Variants in PPFIA2 observed in about 807,000 individuals in gnomAD.
PPFIA2 encodes the protein PPFI scaffold protein A2.
A neutral mutation model predicts 175.5 loss-of-function variants in PPFIA2; 46 were observed. The observed-to-expected ratio is 0.26, with a 90% confidence interval of 0.21 to 0.34. The LOEUF (loss-of-function observed/expected upper bound fraction) is 0.34, where lower values mean the gene tolerates loss of function less well. Among genes scored for constraint, PPFIA2 ranks in the 10% least tolerant of loss-of-function variants. PPFIA2 has a pLI of 1.00. For missense variants in PPFIA2, 1,179 were observed against 1,506.1 expected (o/e 0.78, Z 3.60); for synonymous variants, 568 against 511.4 (o/e 1.11, Z -1.49).
At chr12:81,418,713 A>G (rs980106041) in intron 7 of PPFIA2, among the ~76,000 whole-genome samples, 2 of 151,956 alleles carry the variant, frequency 1.3e-5, no homozygotes, top group African/African-American at 4.8e-5. Context: ...AAGGAAAAAA[A>G]AACTGTTCAA....
At position 81,635,920 on chromosome 12, in the gene PPFIA2, TCA is replaced by T. The variant is rs3220848; in HGVS notation, c.303+40869_303+40870del. ...TTTGGGAAAATGCAATCTCTCTCTC[TCA>T]CACACACACACACACACACACACGT... On this transcript the variant is annotated intron_variant, in intron 4 of 32. Coordinates refer to ENST00000549396, the MANE Select transcript of PPFIA2 (RefSeq NM_003625.5). Among the ~76,000 whole-genome samples the T allele has an allele frequency of 7.1e-3, 1,067 of 150,484 alleles. 3 individuals are homozygous for T. The highest frequency in any genetic ancestry group is 0.015 in the African/African-American group (616 of 40,980).
rs148203487 is a variant in PPFIA2 at position 81,610,510 on chromosome 12, T to C, written c.303+66281A>G. On this transcript the variant is annotated intron_variant, in intron 4 of 32. Transcript: ENST00000549396. ...CTCTGAGATTCTTTCCTCAGCTTGG[T>C]CTGTTCTGCTGTTAATACTTCAAAT... Among the ~76,000 whole-genome samples, 238 of 152,312 alleles carry C rather than the reference T, an allele frequency of 1.6e-3. 2 individuals carry two copies. Among genetic ancestry groups the C allele is most frequent in the African/African-American group, 4.9e-3 (203 of 41,576 alleles).
intron 3 of PPFIA2, among the ~76,000 whole-genome samples, chr12:81,706,934 T>G (rs1009926563): frequency 3.9e-5 from 6 of 152,132 alleles, no homozygotes; most frequent in African/African-American, 1.4e-4. Flanking sequence ...GATTCCCTAT[T>G]TAATAAATGG....
chr12:81,438,865 T>C (rs982908245), intron 7 of PPFIA2, among the ~76,000 whole-genome samples: 2 of 152,138 alleles, frequency 1.3e-5, no homozygotes, highest in South Asian at 2.1e-4. Context: ...TAGATTAATG[T>C]TAACTATAAT....
chr12:81,514,104 C>T (rs2062116945), intron 4 of PPFIA2, among the ~76,000 whole-genome samples: 1 of 151,906 alleles, frequency 6.6e-6, no homozygotes, highest in African/African-American at 2.4e-5. Context: ...ATCTCTGCCT[C>T]ACTAGAACTT....
At chr12:81,598,621 A>AT (rs562586673) in intron 4 of PPFIA2, among the ~76,000 whole-genome samples, 1,667 of 147,324 alleles carry the variant, frequency 0.011, 33 homozygotes, top group African/African-American at 0.034. Context: ...ACAAGATGTG[A>AT]TTTTTTTTTT....
intron 4 of PPFIA2, among the ~76,000 whole-genome samples, chr12:81,622,626 A>T (rs575672159): frequency 7.0e-4 from 106 of 152,248 alleles, no homozygotes; most frequent in Non-Finnish European, 1.2e-3. Context: ...GCTTATGAAC[A>T]TAGCTTTAAA....
chr12:81,665,684 C>T (rs1219593317), intron 4 of PPFIA2, among the ~76,000 whole-genome samples: 2 of 151,984 alleles, frequency 1.3e-5, no homozygotes, highest in East Asian at 3.9e-4. Flanking sequence ...TGTAAAAGAT[C>T]CTGTTTTCAT....
At chr12:81,640,697 T>C (rs1339997034) in intron 4 of PPFIA2, among the ~76,000 whole-genome samples, 1 of 152,130 alleles carries the variant, frequency 6.6e-6, no homozygotes, top group East Asian at 1.9e-4. Context: ...AGATGTGCTT[T>C]TGTTATAACC....
At chr12:81,379,346 C>A (rs2037127113) in intron 9 of PPFIA2, among the ~76,000 whole-genome samples, 1 of 151,988 alleles carries the variant, frequency 6.6e-6, no homozygotes, top group African/African-American at 2.4e-5. Flanking sequence ...AAATATAACT[C>A]TCTGGTAATT....
At chr12:81,406,385 C>A (rs1371170995) in intron 7 of PPFIA2, among the ~76,000 whole-genome samples, 1 of 151,966 alleles carries the variant, frequency 6.6e-6, no homozygotes, top group East Asian at 1.9e-4. Flanking sequence ...TAAGCAGACA[C>A]ACAGCTGAAC....
intron 4 of PPFIA2, among the ~76,000 whole-genome samples, chr12:81,475,782 G>A (rs1444150316): frequency 1.3e-5 from 2 of 152,226 alleles, no homozygotes; most frequent in Non-Finnish European, 2.9e-5. Flanking sequence ...GCGCGATCTC[G>A]GCTCACTGCA....
At chr12:81,344,742 A>G in intron 18 of PPFIA2, 49 bp from the exon 19 acceptor site, 1 of 1,392,436 alleles carries the variant, frequency 7.2e-7, no homozygotes, top group Admixed American at 2.1e-5. Flanking sequence ...TTAAGAATTA[A>G]CAATCATTTG....
intron 4 of PPFIA2, among the ~76,000 whole-genome samples, chr12:81,643,661 T>C (rs1400872782): frequency 1.3e-5 from 2 of 151,884 alleles, no homozygotes; most frequent in Admixed American, 1.3e-4. Context: ...GTAACTGAAT[T>C]TGGAGTCACC....
Position 81,270,080 on chromosome 12 carries a change from AC to A in PPFIA2, c.3311-1994del, listed in dbSNP as rs1037433747. On this transcript the variant is annotated intron_variant, in intron 28 of 32. Coordinates refer to ENST00000549396, the MANE Select transcript of PPFIA2 (RefSeq NM_003625.5). ...CCCAAAAACCTATTGAAATAAAAAAACAATAAATAGTGCTGCTTTGAATATT... is the reference window on the plus strand; with the variant it reads ...CCCAAAAACCTATTGAAATAAAAAAAAATAAATAGTGCTGCTTTGAATATT... 5.3e-5 allele frequency among the ~76,000 whole-genome samples: 8 copies of A among 152,356 alleles called. No homozygotes were observed. In the South Asian group the frequency reaches 6.2e-4, roughly 12 times the overall value.
chr12:81,441,737 TGATGTTTAACAG>T (rs936807266), intron 6 of PPFIA2, among the ~76,000 whole-genome samples: 1 of 152,072 alleles, frequency 6.6e-6, no homozygotes, highest in Non-Finnish European at 1.5e-5. Flanking sequence ...AACAGACGTG[TGATGTTTAACAG>T]GGATTCCCAT....
intron 7 of PPFIA2, among the ~76,000 whole-genome samples, chr12:81,425,611 A>G (rs2097796642): frequency 6.6e-6 from 1 of 152,148 alleles, no homozygotes; most frequent in Non-Finnish European, 1.5e-5. Flanking sequence ...TCCTGACCTC[A>G]TGGTCACCCA....
intron 4 of PPFIA2, among the ~76,000 whole-genome samples, chr12:81,600,596 T>A (rs1351982706): frequency 6.6e-6 from 1 of 152,018 alleles, no homozygotes; most frequent in Non-Finnish European, 1.5e-5. Flanking sequence ...TCCCTTCTGA[T>A]ATCTTAGTCC....
chr12:81,712,542 T>G (rs1295652007), intron 3 of PPFIA2, among the ~76,000 whole-genome samples: 1 of 151,138 alleles, frequency 6.6e-6, no homozygotes, highest in Non-Finnish European at 1.5e-5. Flanking sequence ...TAGTAATAAG[T>G]ATCAGTTATA....
Sources: allele counts gnomAD v4.1 joint callset (sites outside exome capture counted in the v4.1 genomes callset), GRCh38; gene constraint gnomAD v4.1.1; transcripts MANE v1.5; gene names NCBI Gene and HGNC (gene_info 2026-07-23, HGNC 2026-07-21).